C2orf92: variants seen among roughly 807,000 people sequenced by gnomAD.
C2orf92 encodes uncharacterized protein C2orf92.
upstream of C2orf92, among the ~76,000 whole-genome samples, chr2:97,665,542 T>C (rs772332834): frequency 2.6e-5 from 4 of 152,058 alleles, no homozygotes; most frequent in Non-Finnish European, 4.4e-5. Flanking sequence ...ACCCTCTTTA[T>C]ATTAAACTCT....
intron 3 of C2orf92, among the ~76,000 whole-genome samples, chr2:97,686,501 C>T (rs1418081289): frequency 6.6e-6 from 1 of 152,054 alleles, no homozygotes; most frequent in African/African-American, 2.4e-5. Context: ...CTCACTGCAA[C>T]CCCTGCCTCC....
At chr2:97,692,109 G>A (rs1676160062) in intron 5 of C2orf92, among the ~76,000 whole-genome samples, 1 of 152,022 alleles carries the variant, frequency 6.6e-6, no homozygotes, top group Non-Finnish European at 1.5e-5. Flanking sequence ...ATTCACTGTG[G>A]GAAAACAGAT....
chr2:97,701,539 A>G (rs1676497546), intron 7 of C2orf92, among the ~76,000 whole-genome samples: 1 of 152,236 alleles, frequency 6.6e-6, no homozygotes, highest in South Asian at 2.1e-4. Flanking sequence ...TGGGTGGGCC[A>G]GGGTTGCCTC....
At chr2:97,694,803 C>T (rs57216447) in intron 5 of C2orf92, among the ~76,000 whole-genome samples, 1 of 152,078 alleles carries the variant, frequency 6.6e-6, no homozygotes, top group African/African-American at 2.4e-5. Context: ...TCTGAGGAAA[C>T]GCCATGCTGT....
rs149980288 is a variant in C2orf92, at chr2:97,682,769, G to GA, written c.233-6116dup. 7.0e-4 allele frequency among the ~76,000 whole-genome samples: 102 copies of GA among 144,960 alleles called. 2 individuals are homozygous for GA. In the East Asian group the frequency reaches 0.011, roughly 15 times the overall value. The stretch of plus-strand genomic sequence containing the variant: ...CAAAATTCAACACCCTTTCATGATT[G>GA]AAAAAAAAAACCAAAACACTCAACA... On this transcript the variant is annotated intron_variant, in intron 3 of 7. Coordinates refer to ENST00000627399, the MANE Select transcript of C2orf92 (RefSeq NM_001351368.2).
chr2:97,674,423 G>GAA lies in C2orf92; in HGVS notation c.47-32_47-31insAA, dbSNP rs1406796287. 6.5e-5 allele frequency: 26 copies of GAA among 398,514 alleles called. No individual in the cohort carries two copies. In the East Asian group the frequency reaches 9.3e-4, roughly 14 times the overall value. 24.7% of individuals were successfully genotyped at this position (398,514 alleles called of 1,614,324 possible). On this transcript the variant is annotated intron_variant, in intron 1 of 7. Coordinates refer to ENST00000627399, the MANE Select transcript of C2orf92 (RefSeq NM_001351368.2). ...TTTAGGTACTTAGCAAAATATTGCTGATATTAACATGCCTTTGTTTGCTTC... is the reference window on the plus strand; with the variant it reads ...TTTAGGTACTTAGCAAAATATTGCTGAAATATTAACATGCCTTTGTTTGCTTC...
Position 97,702,947 on chromosome 2 carries a change from C to G in C2orf92, c.*146C>G. The G allele has an allele frequency of 2.5e-6, 1 of 395,870 alleles. No homozygotes were observed. The highest frequency in any genetic ancestry group is 4.4e-6 in the Non-Finnish European group (1 of 224,834). The allele number at this position is 395,870 out of a possible 1,614,324, so 24.5% of individuals were successfully genotyped here. A position where few individuals can be genotyped will look rare whatever the true frequency, so the allele number is the denominator to read the frequency against. ...GCTTCCCATCCCAATTTGAATGGACCAAGAAAAACTGCTTTACCATAGGAC... is the reference window on the plus strand; with the variant it reads ...GCTTCCCATCCCAATTTGAATGGACGAAGAAAAACTGCTTTACCATAGGAC... On this transcript the variant is annotated 3_prime_UTR_variant, in exon 8 of 8. Transcript: ENST00000627399.
At chr2:97,698,851 G>A (rs761429960) in intron 5 of C2orf92, among the ~76,000 whole-genome samples, 175 bp from the exon 6 acceptor site, 6 of 152,198 alleles carry the variant, frequency 3.9e-5, no homozygotes, top group Admixed American at 6.5e-5. Flanking sequence ...TTTTTAAAAA[G>A]TAAACAAAAA....
intron 3 of C2orf92, among the ~76,000 whole-genome samples, chr2:97,682,647 T>C (rs1280633730): frequency 7.2e-6 from 1 of 139,466 alleles, no homozygotes; most frequent in Non-Finnish European, 1.5e-5. Context: ...AACAGAAGGA[T>C]GGTTGAACAT....
upstream of C2orf92, among the ~76,000 whole-genome samples, chr2:97,667,216 T>C (rs1312962202): frequency 1.3e-5 from 2 of 151,482 alleles, no homozygotes; most frequent in African/African-American, 4.8e-5. Context: ...TAGACTGTTA[T>C]ATGCATGAAT....
chr2:97,698,714 CAG>C (rs1676393600), intron 5 of C2orf92, among the ~76,000 whole-genome samples: 1 of 152,176 alleles, frequency 6.6e-6, no homozygotes, highest in Non-Finnish European at 1.5e-5. Context: ...CCTATGGAAT[CAG>C]AAACTCTGGG....
Position 97,691,571 on chromosome 2 carries a change from A to T in C2orf92, c.403+1244A>T, listed in dbSNP as rs546522301. Among the ~76,000 whole-genome samples, 3 of 152,330 alleles carry T rather than the reference A, an allele frequency of 2.0e-5. No homozygotes were observed. The South Asian group carries it at 6.2e-4, about 32-fold the overall frequency. ...TAGAAAGACTTAAAAGATTTAAAAGAAAAAAACCAGGCCAAATAGGTCACT... is the reference window on the plus strand; with the variant it reads ...TAGAAAGACTTAAAAGATTTAAAAGTAAAAAACCAGGCCAAATAGGTCACT... On this transcript the variant is annotated intron_variant, in intron 5 of 7. Coordinates refer to ENST00000627399, the MANE Select transcript of C2orf92 (RefSeq NM_001351368.2).
chr2:97,671,812 G>A (rs1372232285), intron 1 of C2orf92: 1 of 270,832 alleles, frequency 3.7e-6, no homozygotes, highest in Admixed American at 5.4e-5. Context: ...CCAAAGCCGA[G>A]CTGAACCTCC....
At chr2:97,675,663 G>A (rs938194122) in intron 2 of C2orf92, 182 bp from the exon 3 acceptor site, 1 of 395,572 alleles carries the variant, frequency 2.5e-6, no homozygotes, top group Non-Finnish European at 4.5e-6. Flanking sequence ...CCCTGGTGTT[G>A]TGTTGGAACT....
At chr2:97,681,719 G>A (rs1256764533) in intron 3 of C2orf92, among the ~76,000 whole-genome samples, 2 of 152,110 alleles carry the variant, frequency 1.3e-5, no homozygotes, top group African/African-American at 2.4e-5. Context: ...TTAGCTGGGC[G>A]TGGTGGCGGG....
At chr2:97,699,404 T>C (rs1676418088) in intron 6 of C2orf92, among the ~76,000 whole-genome samples, 1 of 152,084 alleles carries the variant, frequency 6.6e-6, no homozygotes, top group Non-Finnish European at 1.5e-5. Flanking sequence ...GAGACTACCC[T>C]GGCCAACATG....
At chr2:97,690,419 T>C (rs1281769454) in intron 5 of C2orf92, 92 bp downstream of exon 5, 9 of 382,494 alleles carry the variant, frequency 2.4e-5, no homozygotes, top group Non-Finnish European at 4.2e-5. Flanking sequence ...CTCACTCTGT[T>C]GCCCAGGCTG....
rs548917265 is a variant in C2orf92 at position 97,698,482 on chromosome 2, T to G, written c.404-544T>G. ...TATTTCAGTGTGGTTAATTTTCCTA[T>G]CTTGTCCTCGCAACTCAAGAAAATT... is the stretch of plus-strand genomic sequence containing the variant. On this transcript the variant is annotated intron_variant, in intron 5 of 7. Transcript: ENST00000627399. Among the ~76,000 whole-genome samples the G allele has an allele frequency of 2.6e-4, 40 of 152,364 alleles. No homozygotes were observed. In the Middle Eastern group the frequency reaches 0.014, roughly 52 times the overall value.
chr2:97,679,840 A>C (rs1329043797), intron 3 of C2orf92, among the ~76,000 whole-genome samples: 1 of 150,214 alleles, frequency 6.7e-6, no homozygotes, highest in African/African-American at 2.4e-5. Flanking sequence ...TCTATCTCAA[A>C]AAAAAAAAAA....
Sources: gnomAD v4.1 joint callset for allele counts (sites outside exome capture counted in the v4.1 genomes callset) on GRCh38, gnomAD v4.1.1 for gene constraint, MANE v1.5 for transcripts, NCBI Gene and HGNC (gene_info 2026-07-23, HGNC 2026-07-21) for gene names.